The following FGF10 variants were observed in gnomAD, a reference collection of about 807,000 sequenced individuals.
FGF10 encodes the protein FGF-10.
In FGF10, 2 loss-of-function variants were observed where a neutral mutation model predicts 19.8. The ratio of observed to expected loss-of-function variants is 0.10; its 90% confidence interval spans 0.04 to 0.32. The LOEUF is 0.32. Among genes scored for constraint, FGF10 ranks in the 10% least tolerant of loss-of-function variants. The pLI is 1.00. For missense variants in FGF10, 191 were observed against 246.3 expected (o/e 0.78, Z 1.50); for synonymous variants, 112 against 94.0 (o/e 1.19, Z -1.10).
At chr5:44,310,974 A>G (rs1740197894) in intron 1 of FGF10, among the ~76,000 whole-genome samples, 1 of 152,070 alleles carries the variant, frequency 6.6e-6, no homozygotes, top group Admixed American at 6.6e-5. Flanking sequence ...CTCAATCTCT[A>G]AAAACAGTGA....
At position 44,388,751 on chromosome 5, in the gene FGF10, G is replaced by T; in HGVS notation, c.-69C>A. Reference sequence around the variant, plus strand: ...ACATACTGGAAGGGTAAGACCCGATGCAAGGCAAGGAGAGAGCTCGAGGTG... The same window carrying T: ...ACATACTGGAAGGGTAAGACCCGATTCAAGGCAAGGAGAGAGCTCGAGGTG... On this transcript the variant is annotated 5_prime_UTR_variant, in exon 1 of 3. Coordinates refer to ENST00000264664, the MANE Select transcript of FGF10 (RefSeq NM_004465.2). 1 of 1,535,658 alleles carries T rather than the reference G, an allele frequency of 6.5e-7. No homozygotes were observed. Among genetic ancestry groups the T allele is most frequent in the Non-Finnish European group, 9.0e-7 (1 of 1,114,330 alleles).
intron 1 of FGF10, among the ~76,000 whole-genome samples, chr5:44,314,167 G>A (rs977933131): frequency 6.6e-6 from 1 of 152,070 alleles, no homozygotes; most frequent in Non-Finnish European, 1.5e-5. Context: ...AGGTAAAACA[G>A]TATGGTGTTT....
chr5:44,369,727 A>G (rs534156351), intron 1 of FGF10, among the ~76,000 whole-genome samples: 5 of 152,122 alleles, frequency 3.3e-5, no homozygotes, highest in Non-Finnish European at 7.4e-5. Context: ...CTTTCACCAA[A>G]CAGGGAGCAT....
intron 1 of FGF10, among the ~76,000 whole-genome samples, chr5:44,312,253 T>C (rs1435383166): frequency 6.6e-6 from 1 of 151,926 alleles, no homozygotes; most frequent in East Asian, 1.9e-4. Flanking sequence ...AATATTTTCT[T>C]AATTCACACA....
At position 44,389,108 on chromosome 5, in the gene FGF10, G is replaced by A. The variant is rs1742180261; in HGVS notation, c.-426C>T. The A allele has an allele frequency of 3.3e-6, 1 of 301,330 alleles. No homozygotes were observed. Among genetic ancestry groups the A allele is most frequent in the Non-Finnish European group, 6.5e-6 (1 of 152,932 alleles). The allele number at this position is 301,330 out of a possible 1,614,324, so 18.7% of individuals were successfully genotyped here. A position where few individuals can be genotyped will look rare whatever the true frequency, so the allele number is the denominator to read the frequency against. On this transcript the variant is annotated 5_prime_UTR_variant, in exon 1 of 3. Transcript: ENST00000264664. Reference sequence around the variant, plus strand: ...ACAAAACCCAAGGGAGGTGGGGTGGGGAATAGGGGGAGATATCTGCACCCC... The same window carrying A: ...ACAAAACCCAAGGGAGGTGGGGTGGAGAATAGGGGGAGATATCTGCACCCC...
chr5:44,352,763 G>A (rs1258561871), intron 1 of FGF10, among the ~76,000 whole-genome samples: 15 of 151,462 alleles, frequency 9.9e-5, no homozygotes, highest in Admixed American at 9.9e-4. Context: ...AGTGCTCCCA[G>A]GATTCCCTCT....
chr5:44,319,753 G>T (rs527491735), intron 1 of FGF10, among the ~76,000 whole-genome samples: 1 of 152,256 alleles, frequency 6.6e-6, no homozygotes, highest in South Asian at 2.1e-4. Flanking sequence ...ATTTGATTGT[G>T]CAGAAAGACA....
chr5:44,388,217 G>T, intron 1 of FGF10, 141 bp downstream of exon 1: 1 of 818,240 alleles, frequency 1.2e-6, no homozygotes, highest in South Asian at 1.4e-5. Flanking sequence ...GGGTGAATTA[G>T]TGTGAAAGTA....
At position 44,303,881 on chromosome 5, in the gene FGF10, T is replaced by C. The variant is rs935336188; in HGVS notation, c.*1114A>G. The C allele has an allele frequency of 6.6e-6, 1 of 152,200 alleles. No individual in the cohort carries two copies. The highest frequency in any genetic ancestry group is 1.5e-5 in the Non-Finnish European group (1 of 68,030). The allele number at this position is 152,200 out of a possible 1,614,324, so 9.4% of individuals were successfully genotyped here. On this transcript the variant is annotated 3_prime_UTR_variant, in exon 3 of 3. Coordinates refer to ENST00000264664, the MANE Select transcript of FGF10 (RefSeq NM_004465.2). Reference sequence around the variant, plus strand: ...AATTTACAGAGGGTTTTTAGAGATGTGGACAGCCTCTTTACCGCCATGACA... The same window carrying C: ...AATTTACAGAGGGTTTTTAGAGATGCGGACAGCCTCTTTACCGCCATGACA...
At chr5:44,322,060 G>A (rs544965418) in intron 1 of FGF10, among the ~76,000 whole-genome samples, 24 of 152,272 alleles carry the variant, frequency 1.6e-4, no homozygotes, top group Middle Eastern at 3.4e-3. Flanking sequence ...ACTGCGCCCA[G>A]CTACATCTTC....
intron 1 of FGF10, among the ~76,000 whole-genome samples, chr5:44,349,649 A>G (rs2111818360): frequency 6.8e-6 from 1 of 146,306 alleles, no homozygotes; most frequent in African/African-American, 2.5e-5. Flanking sequence ...ATAGCTTGAT[A>G]TTCTACTTTT....
chr5:44,316,008 C>T (rs536434585), intron 1 of FGF10, among the ~76,000 whole-genome samples: 15 of 152,276 alleles, frequency 9.9e-5, no homozygotes, highest in African/African-American at 2.9e-4. Context: ...CATAGGCAAG[C>T]GAGAGCGAGG....
intron 1 of FGF10, among the ~76,000 whole-genome samples, chr5:44,350,948 A>C (rs1476868156): frequency 6.6e-6 from 1 of 151,382 alleles, no homozygotes; most frequent in African/African-American, 2.4e-5. Context: ...GCCCGCTGAT[A>C]ATTATTATAT....
rs1398855772 is a variant in FGF10 at position 44,310,448 on chromosome 5, C to G, written c.408G>C (p.Lys136Asn). ...INSNYYLAMN[K>N]KGKLYGSKEF... ...TTACTGAGCCATAGAGTTTCCCCTT[C>G]TTGTTCATGGCTAAGTAATAGTTGC... The change falls in exon 2 of 3, where the codon AAG (lysine) becomes AAC (asparagine). Residue 136 changes from lysine (K) to asparagine (N), a missense_variant. Physicochemically the swap from Lys to Asn is moderately conservative, Grantham distance 94 (BLOSUM62 0). This residue lies in a region of FGF10 where 99 missense variants were observed against 161.7 expected (regional missense o/e 0.61). Transcript: ENST00000264664. 4 of 1,611,132 alleles carry G rather than the reference C, an allele frequency of 2.5e-6. No homozygotes were observed. Among genetic ancestry groups the G allele is most frequent in the South Asian group, 1.1e-5 (1 of 91,022 alleles).
chr5:44,350,140 A>T (rs1741199309), intron 1 of FGF10, among the ~76,000 whole-genome samples: 1 of 150,972 alleles, frequency 6.6e-6, no homozygotes, highest in Non-Finnish European at 1.5e-5. Context: ...TATTGTGAAT[A>T]TTTTAACTAT....
chr5:44,325,862 AAAGTAT>A (rs1367405142), intron 1 of FGF10, among the ~76,000 whole-genome samples: 29 of 142,810 alleles, frequency 2.0e-4, no homozygotes, highest in Non-Finnish European at 2.9e-4. Flanking sequence ...CCTAAAACTT[AAAGTAT>A]AATACAAAAT....
chr5:44,342,202 C>G (rs1252521705), intron 1 of FGF10, among the ~76,000 whole-genome samples: 1 of 151,832 alleles, frequency 6.6e-6, no homozygotes, highest in Non-Finnish European at 1.5e-5. Flanking sequence ...TCATGAGTAT[C>G]ACAAACAAAT....
intron 1 of FGF10, among the ~76,000 whole-genome samples, chr5:44,343,521 A>G (rs926421790): frequency 2.0e-5 from 3 of 152,000 alleles, no homozygotes; most frequent in Non-Finnish European, 1.5e-5. Flanking sequence ...GATGCTTCTG[A>G]GGTGGCACAT....
At chr5:44,315,754 G>C (rs1237024962) in intron 1 of FGF10, among the ~76,000 whole-genome samples, 1 of 152,062 alleles carries the variant, frequency 6.6e-6, no homozygotes, top group Non-Finnish European at 1.5e-5. Context: ...AGTGTCCTAA[G>C]TTCATCTATT....
Sources: allele counts gnomAD v4.1 joint callset (sites outside exome capture counted in the v4.1 genomes callset), GRCh38; gene constraint gnomAD v4.1.1; regional missense constraint gnomAD v4.1.1; transcripts MANE v1.5; gene names NCBI Gene and HGNC (gene_info 2026-07-23, HGNC 2026-07-21).